Variants in ATP2B2 observed in about 807,000 individuals in gnomAD.
ATP2B2 encodes the protein plasma membrane calcium-transporting ATPase 2.
Under a neutral mutation model 120.0 loss-of-function variants are expected in ATP2B2, and 15 were observed. The observed-to-expected ratio is 0.12, with a 90% CI of 0.08 to 0.19. The LOEUF is 0.19. Among genes scored for constraint, ATP2B2 ranks in the 10% least tolerant of loss-of-function variants. The pLI is 1.00. For missense variants in ATP2B2, 1,045 were observed against 1,719.8 expected (o/e 0.61, Z 6.94); for synonymous variants, 694 against 700.3 (o/e 0.99, Z 0.14).
chr3:10,341,257 C>G (rs1192273391), intron 19 of ATP2B2, among the ~76,000 whole-genome samples: 1 of 152,188 alleles, frequency 6.6e-6, no homozygotes, highest in African/African-American at 2.4e-5. Context: ...TGGCAGGGCA[C>G]TGCTGTGTAG....
At chr3:10,397,602 CAA>C (rs2062081747) in intron 5 of ATP2B2, among the ~76,000 whole-genome samples, 2 of 151,960 alleles carry the variant, frequency 1.3e-5, no homozygotes, top group Non-Finnish European at 2.9e-5. Context: ...GTTAAGTGGG[CAA>C]AGAGGAAGAA....
At chr3:10,403,775 GT>G (rs932575222) in intron 3 of ATP2B2, among the ~76,000 whole-genome samples, 202 of 152,324 alleles carry the variant, frequency 1.3e-3, no homozygotes, top group Middle Eastern at 6.8e-3. Context: ...TGAGAGAAGG[GT>G]ACCTGTTCAG....
intron 2 of ATP2B2, among the ~76,000 whole-genome samples, chr3:10,573,934 C>A (rs1243853671): frequency 6.6e-6 from 1 of 152,168 alleles, no homozygotes; most frequent in African/African-American, 2.4e-5. Flanking sequence ...TGGTCTCTCA[C>A]TGGTCCTTCC....
intron 2 of ATP2B2, among the ~76,000 whole-genome samples, chr3:10,436,712 C>A (rs2063490963): frequency 6.6e-6 from 1 of 152,230 alleles, no homozygotes; most frequent in Non-Finnish European, 1.5e-5. Flanking sequence ...GCCCTCTTGC[C>A]TCCACTATGC....
intron 1 of ATP2B2, among the ~76,000 whole-genome samples, chr3:10,673,418 A>AGG (rs545505597): frequency 1.8e-4 from 27 of 151,972 alleles, no homozygotes; most frequent in African/African-American, 6.3e-4. Context: ...AGAGAGAGAG[A>AGG]GGAAGAAAGA....
At chr3:10,575,593 G>C (rs1294827290) in intron 2 of ATP2B2, among the ~76,000 whole-genome samples, 2 of 152,244 alleles carry the variant, frequency 1.3e-5, no homozygotes, top group Admixed American at 6.5e-5. Context: ...AGCAGGGGCA[G>C]TGATAGGTGG....
In ATP2B2 at chr3:10,646,214, C is replaced by G. The variant is rs2070318111; in HGVS notation, c.-459-26253G>C. Among the ~76,000 whole-genome samples, 3 of 152,210 alleles carry G rather than the reference C, an allele frequency of 2.0e-5. No homozygotes were observed. In the South Asian group the frequency reaches 6.2e-4, roughly 32 times the overall value. On this transcript the variant is annotated intron_variant, in intron 1 of 21. Coordinates refer to the ATP2B2 transcript ENST00000646379. Reference sequence around the variant, plus strand: ...ATCGCTAAAGACTCCTAGGTTTCTGCAAATCAGAGTGGTTTCTGTCCTTCT... The same window carrying G: ...ATCGCTAAAGACTCCTAGGTTTCTGGAAATCAGAGTGGTTTCTGTCCTTCT...
At chr3:10,614,842 C>A (rs1388025078) in intron 2 of ATP2B2, among the ~76,000 whole-genome samples, 1 of 152,190 alleles carries the variant, frequency 6.6e-6, no homozygotes, top group Admixed American at 6.5e-5. Context: ...CCAAGTAGAC[C>A]TCTAGGAATA....
chr3:10,653,981 T>C (rs9942062), intron 1 of ATP2B2, among the ~76,000 whole-genome samples: 33,526 of 152,048 alleles, frequency 0.22, 6,181 homozygotes, highest in African/African-American at 0.5. Flanking sequence ...TTTAGGCAGA[T>C]TGAGGAGTCA....
Position 10,355,930 on chromosome 3 carries a change from C to T in ATP2B2, c.2136+2761G>A, listed in dbSNP as rs2060708913. ...CTACTAAAAAAATACAAAAAATTAG[C>T]CGGGCGTGGTAGCGGGCGCCTGTAG... is the stretch of plus-strand genomic sequence containing the variant. On this transcript the variant is annotated intron_variant, in intron 14 of 22. Transcript: ENST00000360273. Among the ~76,000 whole-genome samples, 2 of 77,584 alleles carry T rather than the reference C, an allele frequency of 2.6e-5. 1 individual carries two copies. The highest frequency in any genetic ancestry group is 4.9e-5 in the Non-Finnish European group (2 of 40,424). 50.9% of individuals were successfully genotyped at this position (77,584 alleles called of 152,430 possible).
At chr3:10,582,960 G>A (rs2068425517) in intron 2 of ATP2B2, among the ~76,000 whole-genome samples, 1 of 152,222 alleles carries the variant, frequency 6.6e-6, no homozygotes, top group Non-Finnish European at 1.5e-5. Context: ...CTTAGTAAAT[G>A]TTTAATGACT....
At chr3:10,436,021 C>A (rs933571070) in intron 2 of ATP2B2, among the ~76,000 whole-genome samples, 40 of 152,172 alleles carry the variant, frequency 2.6e-4, no homozygotes, top group Admixed American at 1.3e-4. Flanking sequence ...TCAAAGTGTC[C>A]CCACCTTCCT....
chr3:10,645,774 G>T (rs1368748330), intron 1 of ATP2B2, among the ~76,000 whole-genome samples: 1 of 152,196 alleles, frequency 6.6e-6, no homozygotes, highest in Admixed American at 6.5e-5. Context: ...TCTTTGGTTA[G>T]TTCCAGCTGG....
chr3:10,487,403 T>C (rs1214005101), intron 1 of ATP2B2, among the ~76,000 whole-genome samples: 2 of 152,122 alleles, frequency 1.3e-5, no homozygotes, highest in Non-Finnish European at 2.9e-5. Context: ...GGGTCATGAG[T>C]CCAGTTGTCA....
intron 22 of ATP2B2, among the ~76,000 whole-genome samples, chr3:10,333,653 T>C (rs560925055): frequency 1.3e-5 from 2 of 152,160 alleles, no homozygotes; most frequent in African/African-American, 4.8e-5. Flanking sequence ...GACTATAGGC[T>C]CAGGAAGGGT....
At chr3:10,458,836 T>C (rs2064368898) in intron 1 of ATP2B2, among the ~76,000 whole-genome samples, 1 of 152,264 alleles carries the variant, frequency 6.6e-6, no homozygotes, top group Non-Finnish European at 1.5e-5. Context: ...AGTTTCAGTA[T>C]GTCTTCTCTG....
At chr3:10,615,880 T>C (rs914839714) in intron 2 of ATP2B2, among the ~76,000 whole-genome samples, 2 of 152,216 alleles carry the variant, frequency 1.3e-5, no homozygotes, top group Non-Finnish European at 2.9e-5. Flanking sequence ...TATTTTGCTA[T>C]GGCCTTGAGC....
At chr3:10,698,355 C>G (rs1206932595) in intron 1 of ATP2B2, among the ~76,000 whole-genome samples, 1 of 152,166 alleles carries the variant, frequency 6.6e-6, no homozygotes, top group Non-Finnish European at 1.5e-5. Flanking sequence ...ACAGAAGGAC[C>G]ATGGGTTTTG....
chr3:10,495,555 A>G (rs181953743), intron 1 of ATP2B2, among the ~76,000 whole-genome samples: 9 of 152,328 alleles, frequency 5.9e-5, no homozygotes, highest in Admixed American at 2.6e-4. Context: ...CGGGGGCTGT[A>G]GTGAAGCCCA....
Sources: gnomAD v4.1 joint callset for allele counts (sites outside exome capture counted in the v4.1 genomes callset) on GRCh38, gnomAD v4.1.1 for gene constraint, MANE v1.5 for transcripts, NCBI Gene and HGNC (gene_info 2026-07-23, HGNC 2026-07-21) for gene names.